The following HSD17B11 variants were observed in gnomAD, a reference collection of about 807,000 sequenced individuals.
The protein encoded by HSD17B11 is estradiol 17-beta-dehydrogenase 11.
A neutral mutation model predicts 27.8 loss-of-function variants in HSD17B11; 22 were observed. The ratio of observed to expected loss-of-function variants is 0.79; its 90% CI spans 0.56 to 1.13. The LOEUF is 1.13. Ranked by LOEUF, HSD17B11 falls within the 50% of genes most tolerant of loss-of-function variation. The pLI, the probability that HSD17B11 is intolerant of heterozygous loss-of-function variation, is 0.00. For synonymous variants in HSD17B11, 117 were observed against 132.8 expected (o/e 0.88, Z 0.82); for missense variants, 314 against 351.1 (o/e 0.89, Z 0.84).
intron 4 of HSD17B11, among the ~76,000 whole-genome samples, chr4:87,372,242 CAAAAAAAAAAA>C (rs10618602): frequency 1.0e-5 from 1 of 99,462 alleles, no homozygotes; most frequent in Non-Finnish European, 2.1e-5. Flanking sequence ...GACTCCGTCT[CAAAAAAAAAAA>C]AAAAAAAAAA....
intron 5 of HSD17B11, among the ~76,000 whole-genome samples, chr4:87,346,668 G>A (rs1306986210): frequency 6.6e-6 from 1 of 151,982 alleles, no homozygotes; most frequent in East Asian, 1.9e-4. Context: ...ATAATTAAAT[G>A]AATGAAAATA....
intron 2 of HSD17B11, among the ~76,000 whole-genome samples, chr4:87,378,954 ATATATATTTTT>A (rs1720049644): frequency 3.6e-5 from 1 of 28,040 alleles, no homozygotes; most frequent in South Asian, 6.1e-4. Flanking sequence ...ATATTTATAT[ATATATATTTTT>A]TTTTTTTTTT....
intron 5 of HSD17B11, among the ~76,000 whole-genome samples, chr4:87,354,042 A>G (rs958571104): frequency 3.9e-5 from 6 of 152,132 alleles, no homozygotes; most frequent in African/African-American, 1.4e-4. Flanking sequence ...TTAAACATTG[A>G]CCTCTAAAAT....
intron 2 of HSD17B11, among the ~76,000 whole-genome samples, chr4:87,379,468 T>C (rs142151617): frequency 7.2e-4 from 106 of 147,256 alleles, no homozygotes; most frequent in African/African-American, 2.4e-3. Context: ...ATAATATTTA[T>C]ATTGTTATAT....
chr4:87,367,137 T>C (rs1405553933), intron 4 of HSD17B11, among the ~76,000 whole-genome samples: 1 of 152,220 alleles, frequency 6.6e-6, no homozygotes, highest in Non-Finnish European at 1.5e-5. Context: ...TTTGTATAAG[T>C]GCAACAAAAA....
intron 1 of HSD17B11, among the ~76,000 whole-genome samples, chr4:87,385,612 T>G (rs960171025): frequency 1.3e-5 from 2 of 152,112 alleles, no homozygotes; most frequent in Admixed American, 1.3e-4. Context: ...TTTTAAAAAG[T>G]TTTTTAAAAG....
chr4:87,353,703 C>T lies in HSD17B11; in HGVS notation c.695+3576G>A, dbSNP rs184902407. ...TGTCAGGAGAGGGCGCTGGAGCCCA[C>T]GTTAAGGTCAGCTCTGTGCGGCCTT... On this transcript the variant is annotated intron_variant, in intron 5 of 6. Coordinates refer to ENST00000358290, the MANE Select transcript of HSD17B11 (RefSeq NM_016245.5). Among the ~76,000 whole-genome samples the T allele has an allele frequency of 2.8e-4, 42 of 152,122 alleles. No homozygotes were observed. The East Asian group carries it at 5.6e-3, about 20-fold the overall frequency.
intron 2 of HSD17B11, among the ~76,000 whole-genome samples, chr4:87,381,318 T>C (rs1176765520): frequency 2.0e-5 from 3 of 152,118 alleles, no homozygotes; most frequent in African/African-American, 7.2e-5. Context: ...GGAATGTGTA[T>C]TTTAAGGAAT....
chr4:87,363,771 G>GT (rs1477712173), intron 4 of HSD17B11, among the ~76,000 whole-genome samples: 13 of 152,180 alleles, frequency 8.5e-5, no homozygotes, highest in African/African-American at 2.4e-4. Context: ...AGTAGCTAAG[G>GT]TTTTGCACTT....
At chr4:87,374,608 T>C in intron 3 of HSD17B11, 91 bp downstream of exon 3, 1 of 1,283,286 alleles carries the variant, frequency 7.8e-7, no homozygotes, top group South Asian at 1.4e-5. Context: ...ACTTTAGCAT[T>C]GATTTAATAC....
chr4:87,377,568 AAGATCAT>A (rs1292339227), intron 2 of HSD17B11, among the ~76,000 whole-genome samples: 2 of 152,236 alleles, frequency 1.3e-5, no homozygotes, highest in African/African-American at 4.8e-5. Flanking sequence ...TCAACTAAGA[AAGATCAT>A]AGAATCTTGA....
chr4:87,344,063 A>G (rs1173373704), intron 5 of HSD17B11, among the ~76,000 whole-genome samples: 1 of 152,184 alleles, frequency 6.6e-6, no homozygotes, highest in Admixed American at 6.5e-5. Flanking sequence ...CTACTATATA[A>G]GCCAGCACCA....
chr4:87,337,487 G>A (rs1735075595), intron 6 of HSD17B11, 121 bp from the exon 7 acceptor site: 1 of 624,730 alleles, frequency 1.6e-6, no homozygotes, highest in Non-Finnish European at 2.8e-6. Flanking sequence ...ATAAGATTAA[G>A]CATCTTAAAT....
chr4:87,376,556 G>A (rs6841402), intron 2 of HSD17B11, among the ~76,000 whole-genome samples: 1 of 141,392 alleles, frequency 7.1e-6, no homozygotes. Context: ...CCAAAATATA[G>A]AAATATGAGG....
chr4:87,365,556 C>G (rs530067055), intron 4 of HSD17B11, among the ~76,000 whole-genome samples: 1 of 152,206 alleles, frequency 6.6e-6, no homozygotes, highest in Admixed American at 6.5e-5. Context: ...GAGAGTCAGC[C>G]CTTATCTGCA....
intron 4 of HSD17B11, among the ~76,000 whole-genome samples, chr4:87,369,105 A>G (rs1362390469): frequency 6.6e-6 from 1 of 152,182 alleles, no homozygotes; most frequent in African/African-American, 2.4e-5. Flanking sequence ...ACATTTCTGC[A>G]TGGTGAAGCT....
chr4:87,389,097 A>G (rs567724473), intron 1 of HSD17B11, among the ~76,000 whole-genome samples: 27 of 152,258 alleles, frequency 1.8e-4, no homozygotes, highest in Admixed American at 1.7e-3. Flanking sequence ...CCAATCAGAA[A>G]ACGAAAGCTC....
Position 87,370,746 on chromosome 4 carries a change from ATTATTATTATTTT to A in HSD17B11, c.557+1950_557+1962del, listed in dbSNP as rs1735696268. Among the ~76,000 whole-genome samples, 2 of 5,370 alleles carry A rather than the reference ATTATTATTATTTT, an allele frequency of 3.7e-4. 1 individual carries two copies. The highest frequency in any genetic ancestry group is 4.8e-3 in the African/African-American group (2 of 418). The allele number at this position is 5,370 out of a possible 152,430, so 3.5% of individuals were successfully genotyped here. A position where few individuals can be genotyped will look rare whatever the true frequency, so the allele number is the denominator to read the frequency against. ...TATTATTATTATTATTATTATTATT[ATTATTATTATTTT>A]TTTTTTTTTTTGAGACGGAGTCTCG... On this transcript the variant is annotated intron_variant, in intron 4 of 6. Coordinates refer to ENST00000358290, the MANE Select transcript of HSD17B11 (RefSeq NM_016245.5).
At position 87,380,640 on chromosome 4, in the gene HSD17B11, G is replaced by A. The variant is rs1189147830; in HGVS notation, c.318+1615C>T. The stretch of plus-strand genomic sequence containing the variant: ...TTTGGAGGCCGAGGGAGCAGATCAC[G>A]AGGTCAGGAGATACAGACCATCCTG... On this transcript the variant is annotated intron_variant, in intron 2 of 6. Transcript: ENST00000358290. Among the ~76,000 whole-genome samples, 4 of 149,892 alleles carry A rather than the reference G, an allele frequency of 2.7e-5. 1 individual carries two copies. The highest frequency in any genetic ancestry group is 9.8e-5 in the African/African-American group (4 of 40,666).
Sources: gnomAD v4.1 joint callset for allele counts (sites outside exome capture counted in the v4.1 genomes callset) on GRCh38, gnomAD v4.1.1 for gene constraint, MANE v1.5 for transcripts, NCBI Gene and HGNC (gene_info 2026-07-23, HGNC 2026-07-21) for gene names.